LRRK1: variants seen among roughly 807,000 people sequenced by gnomAD.
LRRK1 encodes the protein leucine rich repeat kinase 1, also known as leucine-rich repeat serine/threonine-protein kinase 1.
A neutral mutation model predicts 209.1 loss-of-function variants in LRRK1; 113 were observed. The observed-to-expected ratio is 0.54, with a 90% CI of 0.46 to 0.63. The LOEUF (loss-of-function observed/expected upper bound fraction) is 0.63. Among genes scored for constraint, LRRK1 ranks in the 30% least tolerant of loss-of-function variants. LRRK1 has a pLI of 0.00. For synonymous variants in LRRK1, 1,144 were observed against 1,099.7 expected, an observed-to-expected ratio of 1.04 and a Z score of -0.80; for missense variants, 2,284 against 2,632.2, an observed-to-expected ratio of 0.87 and a Z score of 2.89.
chr15:101,046,149 G>A lies in LRRK1; in HGVS notation c.3132G>A (p.Leu1044=), dbSNP rs2035063692. The A allele has an allele frequency of 6.2e-7, 1 of 1,614,158 alleles. No homozygotes were observed. Among genetic ancestry groups the A allele is most frequent in the East Asian group, 2.2e-5 (1 of 44,884 alleles). The stretch of plus-strand genomic sequence containing the variant: ...TGATCAGCCTGGCGGAGATGGACCT[G>A]CAGGTATTATGGCTGCGGTTTCTGC... ...RMLISLAEMD[L]QLFENKKNTK... is the part of the protein sequence containing the mutation. The change falls in exon 21 of 34, where the codon CTG becomes CTA. Residue 1044 remains leucine (L), a synonymous_variant. Coordinates refer to ENST00000388948, the MANE Select transcript of LRRK1 (RefSeq NM_024652.6).
chr15:101,049,170 T>TAAAC lies in LRRK1; in HGVS notation c.3300-472_3300-469dup, dbSNP rs150558019. Reference sequence around the variant, plus strand: ...TCAGCCCAACAGGTTTAACGAATGATAAACACCCAAGATTATTTTAATGTT... The same window carrying TAAAC: ...TCAGCCCAACAGGTTTAACGAATGATAAACAAACACCCAAGATTATTTTAATGTT... On this transcript the variant is annotated intron_variant, in intron 22 of 33. Transcript: ENST00000388948. 3.3e-3 allele frequency among the ~76,000 whole-genome samples: 504 copies of TAAAC among 152,304 alleles called. 3 individuals carry two copies. The highest frequency in any genetic ancestry group is 0.012 in the African/African-American group (482 of 41,564).
At chr15:100,995,895 G>C (rs1191852943) in intron 6 of LRRK1, among the ~76,000 whole-genome samples, 1 of 152,242 alleles carries the variant, frequency 6.6e-6, no homozygotes, top group East Asian at 1.9e-4. Context: ...AAAGAGAGAG[G>C]GACATCTATT....
chr15:100,936,884 A>C (rs2042308880), intron 2 of LRRK1, among the ~76,000 whole-genome samples: 1 of 152,220 alleles, frequency 6.6e-6, no homozygotes, highest in Admixed American at 6.5e-5. Flanking sequence ...CATACTAAAA[A>C]TGTTGGATTA....
intron 6 of LRRK1, among the ~76,000 whole-genome samples, chr15:101,007,879 A>AGTGGCTTGAGGCCGGGCGCG (rs2033035859): frequency 6.6e-6 from 1 of 152,090 alleles, no homozygotes. Flanking sequence ...AGAGATAAGA[A>AGTGGCTTGAGGCCGGGCGCG]GTGGCTCATG....
chr15:101,033,707 G>A (rs1396753820), intron 20 of LRRK1, among the ~76,000 whole-genome samples: 1 of 152,064 alleles, frequency 6.6e-6, no homozygotes, highest in Admixed American at 6.5e-5. Context: ...TTGCTATTTT[G>A]AATAGTGCTG....
intron 20 of LRRK1, among the ~76,000 whole-genome samples, chr15:101,039,471 A>G (rs2070143556): frequency 6.6e-6 from 1 of 152,194 alleles, no homozygotes; most frequent in Admixed American, 6.5e-5. Context: ...ACCTTGCTAA[A>G]TTCACCTATT....
chr15:100,941,212 CTGTATGTGTCTG>C (rs1457925099), intron 2 of LRRK1, among the ~76,000 whole-genome samples: 1 of 138,018 alleles, frequency 7.2e-6, no homozygotes, highest in East Asian at 2.2e-4. Flanking sequence ...CTGTGTGTGT[CTGTATGTGTCTG>C]TGTGTGTGTC....
intron 9 of LRRK1, among the ~76,000 whole-genome samples, chr15:101,011,474 C>CAAA (rs35220453): frequency 1.3e-5 from 1 of 78,216 alleles, no homozygotes; most frequent in African/African-American, 5.3e-5. Context: ...GACTCTGTCT[C>CAAA]AAAAAAAAAA....
At chr15:101,066,275 G>C in intron 32 of LRRK1, 70 bp downstream of exon 32, 7 of 1,517,074 alleles carry the variant, frequency 4.6e-6, no homozygotes, top group Non-Finnish European at 6.1e-6. Context: ...CAGAGCAAGG[G>C]GAAGCCCCCT....
intron 2 of LRRK1, among the ~76,000 whole-genome samples, chr15:100,956,337 CT>C (rs1203090385): frequency 1.3e-5 from 2 of 150,946 alleles, no homozygotes; most frequent in East Asian, 1.9e-4. Flanking sequence ...GTAATGCCCC[CT>C]ATTTCATTTA....
At chr15:100,994,146 G>T (rs996369887) in intron 6 of LRRK1, among the ~76,000 whole-genome samples, 1 of 152,198 alleles carries the variant, frequency 6.6e-6, no homozygotes, top group Non-Finnish European at 1.5e-5. Flanking sequence ...GGTAAGAACT[G>T]CAGGGAATAG....
chr15:101,044,379 G>A (rs74040257), intron 20 of LRRK1, among the ~76,000 whole-genome samples: 4,638 of 152,336 alleles, frequency 0.03, 220 homozygotes, highest in African/African-American at 0.1. Context: ...CAGACACTGT[G>A]CCCTGCCAGG....
chr15:101,068,803 C>CGAGGAGCTGG lies in LRRK1; in HGVS notation c.6005_6014dup (p.Arg2006GlyfsTer19). 1 of 1,612,284 alleles carries CGAGGAGCTGG rather than the reference C, an allele frequency of 6.2e-7. No homozygotes were observed. The highest frequency in any genetic ancestry group is 1.1e-5 in the South Asian group (1 of 90,882). On this transcript the variant is annotated frameshift_variant, in exon 34 of 34. Coordinates refer to ENST00000388948, the MANE Select transcript of LRRK1 (RefSeq NM_024652.6). LOFTEE classifies it high-confidence loss of function. ...AGTTCGACATTTTCTACCAGTCCTA[C>CGAGGAGCTGG]GAGGAGCTGGGCCGGCTGGAGGCTT...
At chr15:101,068,399 T>A (rs2036652311) in intron 33 of LRRK1, among the ~76,000 whole-genome samples, 1 of 152,164 alleles carries the variant, frequency 6.6e-6, no homozygotes, top group Non-Finnish European at 1.5e-5. Flanking sequence ...ATTGCCTCTG[T>A]GGCCTTCCAG....
intron 2 of LRRK1, among the ~76,000 whole-genome samples, chr15:100,928,806 TG>T (rs1490368648): frequency 6.6e-6 from 1 of 152,178 alleles, no homozygotes; most frequent in Non-Finnish European, 1.5e-5. Context: ...CCCCTGGATG[TG>T]GGGGGCTTTG....
chr15:100,985,701 A>G (rs1204574644), intron 4 of LRRK1, among the ~76,000 whole-genome samples: 2 of 152,256 alleles, frequency 1.3e-5, no homozygotes, highest in Non-Finnish European at 1.5e-5. Context: ...ATGGTTTTCA[A>G]CTGCTCCCAG....
At chr15:101,001,223 G>A (rs773643398) in intron 6 of LRRK1, among the ~76,000 whole-genome samples, 3 of 152,084 alleles carry the variant, frequency 2.0e-5, no homozygotes, top group Non-Finnish European at 2.9e-5. Context: ...TCAGGGCCCC[G>A]TCTGATGGTC....
chr15:101,001,658 C>G (rs1157004988), intron 6 of LRRK1, among the ~76,000 whole-genome samples: 1 of 152,194 alleles, frequency 6.6e-6, no homozygotes, highest in Non-Finnish European at 1.5e-5. Flanking sequence ...TTGACAAGTT[C>G]AAGAACTTTC....
At chr15:101,021,766 ACGTGTGTG>A (rs1464195235) in intron 13 of LRRK1, 71 bp from the exon 14 acceptor site, 194 of 961,144 alleles carry the variant, frequency 2.0e-4, no homozygotes, top group Admixed American at 4.6e-4. Context: ...GACAGGAGCC[ACGTGTGTG>A]CGTGTGTGTG....
Sources: allele counts gnomAD v4.1 joint callset (sites outside exome capture counted in the v4.1 genomes callset), GRCh38; gene constraint gnomAD v4.1.1; transcripts MANE v1.5; gene names NCBI Gene and HGNC (gene_info 2026-07-23, HGNC 2026-07-21).